The following EIF4ENIF1 variants were observed in gnomAD, a reference collection of about 807,000 sequenced individuals.
EIF4ENIF1 encodes eukaryotic translation initiation factor 4E nuclear import factor 1.
Under a neutral mutation model 110.5 loss-of-function variants are expected in EIF4ENIF1, and 23 were observed. That is an observed-to-expected ratio of 0.21 (90% CI 0.15 to 0.29). EIF4ENIF1 has a LOEUF of 0.29. EIF4ENIF1 is among the 10% of genes least tolerant of loss of function. EIF4ENIF1 has a pLI of 1.00. For missense variants in EIF4ENIF1, 1,031 were observed against 1,221.1 expected (o/e 0.84, Z 2.32); for synonymous variants, 440 against 437.0 (o/e 1.01, Z -0.09).
chr22:31,458,131 G>A (rs915785519), intron 7 of EIF4ENIF1, among the ~76,000 whole-genome samples: 3 of 151,912 alleles, frequency 2.0e-5, no homozygotes, highest in African/African-American at 7.3e-5. Context: ...AGGAGGCTGA[G>A]GCAGAAGAAT....
intron 4 of EIF4ENIF1, 151 bp from the exon 5 acceptor site, chr22:31,464,118 T>C: frequency 1.2e-6 from 1 of 869,438 alleles, no homozygotes; most frequent in Non-Finnish European, 1.7e-6. Flanking sequence ...CAGGGTAACA[T>C]GTACATTATG....
intron 8 of EIF4ENIF1, 108 bp downstream of exon 8, chr22:31,455,744 C>T (rs2050794529): frequency 1.4e-6 from 2 of 1,435,584 alleles, no homozygotes; most frequent in South Asian, 1.3e-5. Flanking sequence ...TTTCAGTTGT[C>T]CAGAGACCCT....
intron 17 of EIF4ENIF1, among the ~76,000 whole-genome samples, 200 bp downstream of exon 17, chr22:31,441,564 AAAAAAAAAAG>A (rs2050298747): frequency 6.6e-6 from 1 of 150,674 alleles, no homozygotes; most frequent in African/African-American, 2.5e-5. Flanking sequence ...AAAAAAAAAA[AAAAAAAAAAG>A]AATCTTCAAG....
chr22:31,490,239 G>A (rs1271824475), upstream of EIF4ENIF1, among the ~76,000 whole-genome samples: 1 of 152,246 alleles, frequency 6.6e-6, no homozygotes, highest in African/African-American at 2.4e-5. Flanking sequence ...CTGGCGGCTA[G>A]CACGGCCTGT....
chr22:31,439,528 A>AGTT lies in EIF4ENIF1; in HGVS notation c.*349_*351dup. 2 of 211,818 alleles carry AGTT rather than the reference A, an allele frequency of 9.4e-6. No individual in the cohort carries two copies. Among genetic ancestry groups the AGTT allele is most frequent in the South Asian group, 1.9e-4 (2 of 10,546 alleles). The allele number at this position is 211,818 out of a possible 1,614,324, so 13.1% of individuals were successfully genotyped here. ...AAGCTATCCTATATGTATATACAAA[A>AGTT]GTTGTTTATACACAGGTCTGTACAT... is the stretch of plus-strand genomic sequence containing the variant. On this transcript the variant is annotated 3_prime_UTR_variant, in exon 19 of 19. Coordinates refer to ENST00000330125, the MANE Select transcript of EIF4ENIF1 (RefSeq NM_019843.4).
chr22:31,470,806 C>T (rs184565783), intron 3 of EIF4ENIF1, among the ~76,000 whole-genome samples: 22 of 151,242 alleles, frequency 1.5e-4, no homozygotes, highest in African/African-American at 5.3e-4. Flanking sequence ...CTTTGGCCTC[C>T]TGAGTACTTG....
At chr22:31,485,936 C>T (rs184416514) in intron 2 of EIF4ENIF1, among the ~76,000 whole-genome samples, 5 of 151,822 alleles carry the variant, frequency 3.3e-5, no homozygotes, top group Admixed American at 2.0e-4. Context: ...ACAGTGAAAC[C>T]GTCTCTACTA....
rs2050271643 is a variant in EIF4ENIF1 at position 31,440,875 on chromosome 22, A to G, written c.2552-7T>C. The G allele has an allele frequency of 1.2e-6, 2 of 1,613,688 alleles. No homozygotes were observed. The highest frequency in any genetic ancestry group is 1.7e-6 in the Non-Finnish European group (2 of 1,179,798). ...ATCCCAGGAGGAAGCACACCTGTTG[A>G]GCAGAAAAAGCAAGCAGCTGAGTAG... On this transcript the variant is annotated splice_region_variant and splice_polypyrimidine_tract_variant and intron_variant, in intron 17 of 18. Coordinates refer to ENST00000330125, the MANE Select transcript of EIF4ENIF1 (RefSeq NM_019843.4).
intron 9 of EIF4ENIF1, among the ~76,000 whole-genome samples, chr22:31,454,819 T>C (rs1443352429): frequency 6.6e-6 from 1 of 152,150 alleles, no homozygotes; most frequent in Non-Finnish European, 1.5e-5. Context: ...TAGGGCAGAT[T>C]TGTGAGGAAA....
intron 4 of EIF4ENIF1, among the ~76,000 whole-genome samples, chr22:31,465,056 G>A (rs1434465756): frequency 2.6e-5 from 4 of 152,018 alleles, no homozygotes; most frequent in African/African-American, 4.8e-5. Flanking sequence ...CAACCCAGTG[G>A]CTCACGCCTG....
chr22:31,453,303 T>C, intron 10 of EIF4ENIF1: 1 of 357,918 alleles, frequency 2.8e-6, no homozygotes, highest in Non-Finnish European at 5.6e-6. Context: ...ACAAGTTTTG[T>C]TTTTAACTTG....
At chr22:31,451,447 T>C (rs1412541079) in intron 10 of EIF4ENIF1, among the ~76,000 whole-genome samples, 1 of 151,814 alleles carries the variant, frequency 6.6e-6, no homozygotes, top group East Asian at 1.9e-4. Flanking sequence ...CTAATTTTTT[T>C]TTTTTTTCAG....
chr22:31,485,013 G>A (rs1433592259), intron 2 of EIF4ENIF1, among the ~76,000 whole-genome samples: 1 of 152,182 alleles, frequency 6.6e-6, no homozygotes, highest in African/African-American at 2.4e-5. Context: ...TTATTATAGT[G>A]CTAGGAACAC....
At position 31,439,629 on chromosome 22, in the gene EIF4ENIF1, A is replaced by G; in HGVS notation, c.*251T>C. On this transcript the variant is annotated 3_prime_UTR_variant, in exon 19 of 19. Coordinates refer to ENST00000330125, the MANE Select transcript of EIF4ENIF1 (RefSeq NM_019843.4). ...GAGGACACCAACACTTCATTCACATATCTTACAAAAAAGAAAGACCATTTC... is the reference window on the plus strand; with the variant it reads ...GAGGACACCAACACTTCATTCACATGTCTTACAAAAAAGAAAGACCATTTC... The G allele has an allele frequency of 1.9e-6, 1 of 528,948 alleles. No individual in the cohort carries two copies. The allele number at this position is 528,948 out of a possible 1,614,324, so 32.8% of individuals were successfully genotyped here.
At chr22:31,445,953 GC>G (rs541255413) in intron 14 of EIF4ENIF1, among the ~76,000 whole-genome samples, 1,434 of 97,104 alleles carry the variant, frequency 0.015, 20 homozygotes, top group East Asian at 0.027. Context: ...GTTACGTACC[GC>G]CCCCCCCCCC....
In EIF4ENIF1 at chr22:31,471,905, C is replaced by A. The variant is rs768980169; in HGVS notation, c.109G>T (p.Asp37Tyr). 6.3e-7 allele frequency: 1 copy of A among 1,598,168 alleles called. No homozygotes were observed. Among genetic ancestry groups the A allele is most frequent in the South Asian group, 1.2e-5 (1 of 86,898 alleles). The change falls in exon 3 of 19, where the codon GAT becomes TAT. Residue 37 changes from aspartate (D) to tyrosine (Y), a missense_variant. Coordinates refer to ENST00000330125, the MANE Select transcript of EIF4ENIF1 (RefSeq NM_019843.4). The part of the protein sequence containing the change: ...PHRYTKEELL[D>Y]IKELPHSKQR... ...TTGGAATGGGGGAGTTCTTTTATATCCAAGAGTTCTTCCTAAAAAGAGAAG... is the reference window on the plus strand; with the variant it reads ...TTGGAATGGGGGAGTTCTTTTATATACAAGAGTTCTTCCTAAAAAGAGAAG...
chr22:31,467,412 T>TA (rs1220923854), intron 4 of EIF4ENIF1, among the ~76,000 whole-genome samples: 2 of 152,318 alleles, frequency 1.3e-5, no homozygotes, highest in East Asian at 3.9e-4. Flanking sequence ...ATTTCACCCT[T>TA]AAACAACGTT....
Position 31,449,466 on chromosome 22 carries a change from G to A in EIF4ENIF1, c.1650C>T (p.Ser550=). 4 of 1,614,134 alleles carry A rather than the reference G, an allele frequency of 2.5e-6. No homozygotes were observed. The highest frequency in any genetic ancestry group is 3.4e-6 in the Non-Finnish European group (4 of 1,180,020). The stretch of plus-strand genomic sequence containing the variant: ...CCAGTAAAGATGTTGTAGGCTCCAA[G>A]CTCCCCATAAGGCCACTCAGAAGAT... ...SSNLLSGLMG[S]LEPTTSLLGQ... Residue 550 remains serine, a synonymous_variant, in exon 12 of 19, where the codon AGC becomes AGT. Coordinates refer to ENST00000330125, the MANE Select transcript of EIF4ENIF1 (RefSeq NM_019843.4).
intron 2 of EIF4ENIF1, among the ~76,000 whole-genome samples, chr22:31,485,954 A>G (rs1466429001): frequency 1.4e-5 from 2 of 147,760 alleles, no homozygotes; most frequent in Non-Finnish European, 3.0e-5. Context: ...CTAAAAATAC[A>G]AAAAAAAATA....
Sources: gnomAD v4.1 joint callset for allele counts (sites outside exome capture counted in the v4.1 genomes callset) on GRCh38, gnomAD v4.1.1 for gene constraint, MANE v1.5 for transcripts, NCBI Gene and HGNC (gene_info 2026-07-23, HGNC 2026-07-21) for gene names.